Variants in IL1RAPL2 observed in about 807,000 individuals in gnomAD.
The protein encoded by IL1RAPL2 is interleukin 1 receptor accessory protein like 2.
In IL1RAPL2, 3 loss-of-function variants were observed where a neutral mutation model predicts 44.1. The observed-to-expected ratio is 0.07, with a 90% CI of 0.03 to 0.18. The LOEUF (loss-of-function observed/expected upper bound fraction) is 0.18. Among genes scored for constraint, IL1RAPL2 ranks in the 10% least tolerant of loss-of-function variants. The probability of loss-of-function intolerance (pLI) is 1.00; values close to 1 mark genes in which losing one functional copy is unlikely to be tolerated. For synonymous variants in IL1RAPL2, 181 were observed against 178.8 expected (o/e 1.01, Z -0.10); for missense variants, 391 against 496.4 (o/e 0.79, Z 2.02).
At chrX:105,404,797 T>C (rs2035630459) in intron 5 of IL1RAPL2, among the ~76,000 whole-genome samples, 1 of 112,153 alleles carries the variant, frequency 8.9e-6, no homozygotes, top group Non-Finnish European at 1.9e-5. Flanking sequence ...ATACATTCAA[T>C]CTAAAATTCA....
chrX:105,077,944 A>AT (rs1225613754), intron 2 of IL1RAPL2, among the ~76,000 whole-genome samples: 1 of 110,115 alleles, frequency 9.1e-6, no homozygotes, highest in African/African-American at 3.3e-5. Context: ...CATTCATCTA[A>AT]TTTTTTTCGA....
chrX:105,316,251 G>T (rs749731062), intron 5 of IL1RAPL2, among the ~76,000 whole-genome samples: 1 of 111,183 alleles, frequency 9.0e-6, no homozygotes, highest in South Asian at 3.8e-4. Context: ...TCCAGCCTGG[G>T]TGACAGAGCA....
chrX:105,108,922 G>A (rs752993394), intron 2 of IL1RAPL2, among the ~76,000 whole-genome samples: 25 of 111,813 alleles, frequency 2.2e-4, no homozygotes, highest in African/African-American at 6.8e-4. Flanking sequence ...GGCCCTGCAT[G>A]AACTGACCTG....
At chrX:105,211,281 G>A (rs1556157484) in intron 3 of IL1RAPL2, among the ~76,000 whole-genome samples, 1 of 111,219 alleles carries the variant, frequency 9.0e-6, no homozygotes, top group African/African-American at 3.3e-5. Flanking sequence ...AAATCTGACT[G>A]TCCCTGGTTC....
intron 2 of IL1RAPL2, among the ~76,000 whole-genome samples, chrX:105,007,935 G>C (rs2030971284): frequency 8.7e-6 from 1 of 114,788 alleles, no homozygotes; most frequent in Non-Finnish European, 1.9e-5. Flanking sequence ...ATTCAGAATC[G>C]TTTTAGCACT....
chrX:105,644,123 C>A (rs2037588794), intron 6 of IL1RAPL2, among the ~76,000 whole-genome samples: 1 of 111,450 alleles, frequency 9.0e-6, no homozygotes, highest in African/African-American at 3.3e-5. Flanking sequence ...GATCTCCTGA[C>A]CTTATGATCT....
intron 2 of IL1RAPL2, among the ~76,000 whole-genome samples, chrX:104,761,824 TCTC>T (rs1932434715): frequency 1.4e-5 from 1 of 70,379 alleles, no homozygotes; most frequent in Non-Finnish European, 2.5e-5. Flanking sequence ...TTCTCCTCCT[TCTC>T]CTTCTTCTCC....
intron 2 of IL1RAPL2, among the ~76,000 whole-genome samples, chrX:104,990,217 T>G (rs985890420): frequency 1.8e-5 from 2 of 112,469 alleles, no homozygotes; most frequent in Non-Finnish European, 3.8e-5. Context: ...GACTTCTCCA[T>G]GTATAAGGAC....
intron 2 of IL1RAPL2, among the ~76,000 whole-genome samples, chrX:104,946,723 T>C (rs1329084738): frequency 1.2e-3 from 125 of 101,754 alleles, no homozygotes; most frequent in African/African-American, 4.3e-3. Flanking sequence ...ATTTCATCCA[T>C]GTCCCTACAA....
intron 5 of IL1RAPL2, among the ~76,000 whole-genome samples, chrX:105,361,407 A>G (rs757612700): frequency 9.0e-6 from 1 of 111,489 alleles, no homozygotes; most frequent in African/African-American, 3.3e-5. Flanking sequence ...ATTTATTGAT[A>G]TAATATTTAT....
chrX:105,722,127 T>G (rs755573147), intron 7 of IL1RAPL2, among the ~76,000 whole-genome samples: 1 of 112,161 alleles, frequency 8.9e-6, no homozygotes, highest in South Asian at 3.7e-4. Context: ...GTATAGCCTA[T>G]TGCTCCTAGG....
intron 1 of IL1RAPL2, among the ~76,000 whole-genome samples, chrX:104,657,027 T>C (rs1338626579): frequency 2.7e-5 from 3 of 110,974 alleles, no homozygotes; most frequent in Non-Finnish European, 5.7e-5. Context: ...TCCATTTGCT[T>C]GGTAGATCTT....
At position 105,148,470 on chromosome X, in the gene IL1RAPL2, A is replaced by G. The variant is rs762732749; in HGVS notation, c.83-47005A>G. 2.7e-5 allele frequency among the ~76,000 whole-genome samples: 3 copies of G among 111,994 alleles called. No homozygotes were observed. In the East Asian group the frequency reaches 8.4e-4, roughly 32 times the overall value. ...GATTTCATGAAACCTGTATGTTTTAAAAAAATTTCCAGCATTTTATTGATA... is the reference window on the plus strand; with the variant it reads ...GATTTCATGAAACCTGTATGTTTTAGAAAAATTTCCAGCATTTTATTGATA... On this transcript the variant is annotated intron_variant, in intron 2 of 10. Coordinates refer to ENST00000372582, the MANE Select transcript of IL1RAPL2 (RefSeq NM_017416.2).
intron 2 of IL1RAPL2, among the ~76,000 whole-genome samples, chrX:105,041,114 T>C (rs755661672): frequency 9.3e-6 from 1 of 107,655 alleles, no homozygotes; most frequent in South Asian, 4.3e-4. Flanking sequence ...ACATCTTTAT[T>C]TCTGCCTTCA....
chrX:104,922,287 A>T (rs1428224836), intron 2 of IL1RAPL2, among the ~76,000 whole-genome samples: 6 of 113,345 alleles, frequency 5.3e-5, no homozygotes, highest in Non-Finnish European at 1.1e-4. Flanking sequence ...TGGCTGGGAC[A>T]GCAAACTGCA....
At chrX:104,799,716 A>G (rs1259950125) in intron 2 of IL1RAPL2, among the ~76,000 whole-genome samples, 1 of 111,904 alleles carries the variant, frequency 8.9e-6, no homozygotes, top group African/African-American at 3.3e-5. Flanking sequence ...AATTGTGTAT[A>G]TTTATGGGGT....
chrX:105,221,184 A>C (rs1556181559), intron 3 of IL1RAPL2, among the ~76,000 whole-genome samples: 1 of 111,677 alleles, frequency 9.0e-6, no homozygotes, highest in East Asian at 2.8e-4. Flanking sequence ...GCCATAAATA[A>C]TACCTGAAGA....
intron 2 of IL1RAPL2, among the ~76,000 whole-genome samples, chrX:104,964,174 G>A (rs1253800687): frequency 9.0e-6 from 1 of 110,899 alleles, no homozygotes; most frequent in Admixed American, 9.6e-5. Flanking sequence ...AAAAGCTTCA[G>A]AGAAAAAAAT....
chrX:105,435,549 C>T, intron 5 of IL1RAPL2, among the ~76,000 whole-genome samples: 1 of 111,748 alleles, frequency 8.9e-6, no homozygotes, highest in Admixed American at 9.5e-5. Flanking sequence ...TGGGTCTATA[C>T]ACAAAGGGAT....
Sources: gnomAD v4.1 joint callset for allele counts (sites outside exome capture counted in the v4.1 genomes callset) on GRCh38, gnomAD v4.1.1 for gene constraint, MANE v1.5 for transcripts, NCBI Gene and HGNC (gene_info 2026-07-23, HGNC 2026-07-21) for gene names.